The following NCAM1 variants were observed in gnomAD, a reference collection of about 807,000 sequenced individuals.
The protein encoded by NCAM1 is neural cell adhesion molecule 1, also known as antigen recognized by monoclonal antibody 5.1H11.
Under a neutral mutation model 109.8 loss-of-function variants are expected in NCAM1, and 14 were observed. The ratio of observed to expected loss-of-function variants is 0.13; its 90% CI spans 0.08 to 0.20. The LOEUF (loss-of-function observed/expected upper bound fraction) is 0.20. Ranked by LOEUF, NCAM1 falls within the 10% of genes least tolerant of loss-of-function variation. The pLI is 1.00. For synonymous variants in NCAM1, 418 were observed against 442.9 expected, an observed-to-expected ratio of 0.94 and a Z score of 0.70; for missense variants, 774 against 1,109.9, an observed-to-expected ratio of 0.70 and a Z score of 4.30.
intron 1 of NCAM1, among the ~76,000 whole-genome samples, chr11:113,151,928 C>T (rs1158343570): frequency 1.3e-5 from 2 of 152,164 alleles, no homozygotes; most frequent in Non-Finnish European, 2.9e-5. Context: ...AGATCCCCAG[C>T]AGAGCTGCAA....
At position 113,004,833 on chromosome 11, in the gene NCAM1, T is replaced by C. The variant is rs1591237124; in HGVS notation, c.52+43169T>C. Among the ~76,000 whole-genome samples, 4 of 151,914 alleles carry C rather than the reference T, an allele frequency of 2.6e-5. 1 individual carries two copies. The highest frequency in any genetic ancestry group is 9.6e-5 in the African/African-American group (4 of 41,480). ...TGTACTGATTCTTTGATTTTTTTTT[T>C]TCTGTCTCTGCCTCTTCTCTAATTT... On this transcript the variant is annotated intron_variant, in intron 1 of 19. Transcript: ENST00000316851.
chr11:112,964,887 G>A (rs1404040629), intron 1 of NCAM1, among the ~76,000 whole-genome samples: 8 of 152,184 alleles, frequency 5.3e-5, no homozygotes, highest in East Asian at 1.9e-4. Flanking sequence ...CATTGTAGAC[G>A]TGTGGGCTAT....
intron 1 of NCAM1, among the ~76,000 whole-genome samples, chr11:113,185,165 A>T (rs1555108680): frequency 6.6e-6 from 1 of 151,194 alleles, no homozygotes; most frequent in African/African-American, 2.4e-5. Flanking sequence ...GATATCCAAG[A>T]TGTGCAGTTA....
intron 16 of NCAM1, 70 bp downstream of exon 16, chr11:113,256,071 C>T (rs1945827085): frequency 2.2e-5 from 34 of 1,539,692 alleles, no homozygotes; most frequent in Non-Finnish European, 3.0e-5. Context: ...AGGGAAACAA[C>T]AGGGGCAGCC....
rs1331874659 is a variant in NCAM1, at chr11:113,276,973, G to GA, written c.*1589dup. 2 of 183,956 alleles carry GA rather than the reference G, an allele frequency of 1.1e-5. No individual in the cohort carries two copies. The highest frequency in any genetic ancestry group is 2.6e-4 in the East Asian group (2 of 7,766). 11.4% of individuals were successfully genotyped at this position (183,956 alleles called of 1,614,324 possible). On this transcript the variant is annotated 3_prime_UTR_variant, in exon 20 of 20. Transcript: ENST00000316851. ...TGAAACGTGTTTTTGTCATAGTATT[G>GA]AAATAAAACTTCAACATAGTTTGGT...
intron 14 of NCAM1, among the ~76,000 whole-genome samples, chr11:113,241,992 C>T (rs575487869): frequency 2.2e-4 from 33 of 152,294 alleles, no homozygotes; most frequent in African/African-American, 7.5e-4. Flanking sequence ...CTGTAGCAGA[C>T]GGAGTTCAGG....
chr11:113,255,763 T>A (rs1945816481), intron 15 of NCAM1, 114 bp from the exon 16 acceptor site: 1 of 1,225,440 alleles, frequency 8.2e-7, no homozygotes, highest in South Asian at 1.5e-5. Context: ...CCATTTGAAT[T>A]TCTGAGAAAG....
intron 1 of NCAM1, among the ~76,000 whole-genome samples, chr11:113,110,381 T>C (rs1014845595): frequency 6.6e-6 from 1 of 152,338 alleles, no homozygotes; most frequent in East Asian, 1.9e-4. Flanking sequence ...CATCTATGAT[T>C]GCTTGGCCTC....
chr11:113,081,299 T>A (rs1196323542), intron 1 of NCAM1, among the ~76,000 whole-genome samples: 1 of 152,152 alleles, frequency 6.6e-6, no homozygotes, highest in Non-Finnish European at 1.5e-5. Flanking sequence ...AAGACAGCCT[T>A]CCATCCTCCA....
intron 1 of NCAM1, among the ~76,000 whole-genome samples, chr11:112,965,399 C>G (rs782189576): frequency 7.2e-5 from 11 of 151,868 alleles, no homozygotes; most frequent in Non-Finnish European, 1.2e-4. Flanking sequence ...TGTTTGGAAT[C>G]CATTTATCAT....
intron 1 of NCAM1, among the ~76,000 whole-genome samples, chr11:113,132,182 C>T (rs1244448518): frequency 1.3e-5 from 2 of 152,190 alleles, no homozygotes; most frequent in Non-Finnish European, 2.9e-5. Context: ...TCGCCCCTTG[C>T]TCTTGGCCAG....
At chr11:113,234,033 C>A (rs1371780475) in intron 13 of NCAM1, among the ~76,000 whole-genome samples, 1 of 151,768 alleles carries the variant, frequency 6.6e-6, no homozygotes, top group Non-Finnish European at 1.5e-5. Flanking sequence ...AGTATCACAG[C>A]CATTCAGAGA....
At chr11:113,045,568 T>G (rs1555080650) in intron 1 of NCAM1, among the ~76,000 whole-genome samples, 1 of 152,160 alleles carries the variant, frequency 6.6e-6, no homozygotes, top group East Asian at 1.9e-4. Context: ...TGTAAAGCAA[T>G]AGAACACACA....
intron 17 of NCAM1, chr11:113,263,036 A>G: frequency 6.6e-7 from 1 of 1,508,390 alleles, no homozygotes; most frequent in Non-Finnish European, 8.9e-7. Context: ...CTGCTGAGCA[A>G]CCATTCTGTG....
intron 1 of NCAM1, among the ~76,000 whole-genome samples, chr11:113,051,725 A>G (rs7950047): frequency 0.44 from 66,459 of 152,046 alleles, 15,585 homozygotes; most frequent in East Asian, 0.81. Flanking sequence ...GAAGATACCT[A>G]TAAAATATTT....
intron 1 of NCAM1, among the ~76,000 whole-genome samples, chr11:113,070,143 A>T (rs541477739): frequency 6.6e-6 from 1 of 152,286 alleles, no homozygotes; most frequent in South Asian, 2.1e-4. Flanking sequence ...GCCTAGTGTC[A>T]TTGCACGTTG....
chr11:113,103,046 A>G (rs1322434688), intron 1 of NCAM1, among the ~76,000 whole-genome samples: 1 of 152,214 alleles, frequency 6.6e-6, no homozygotes, highest in Non-Finnish European at 1.5e-5. Flanking sequence ...TCTCTGGTTA[A>G]GTACAGGATA....
intron 1 of NCAM1, among the ~76,000 whole-genome samples, chr11:113,128,399 C>T (rs1170982404): frequency 6.6e-6 from 1 of 152,202 alleles, no homozygotes; most frequent in East Asian, 1.9e-4. Context: ...TAGAAAGTGT[C>T]CTGCACATAC....
intron 19 of NCAM1, chr11:113,272,904 A>G (rs782416881): frequency 8.1e-5 from 37 of 455,398 alleles, no homozygotes; most frequent in Admixed American, 2.8e-4. Flanking sequence ...TTCATTGTCT[A>G]TTCTCTTCTA....
Sources: gnomAD v4.1 joint callset for allele counts (sites outside exome capture counted in the v4.1 genomes callset) on GRCh38, gnomAD v4.1.1 for gene constraint, MANE v1.5 for transcripts, NCBI Gene and HGNC (gene_info 2026-07-23, HGNC 2026-07-21) for gene names.